KLHL2: variants seen among roughly 807,000 people sequenced by gnomAD.
The protein encoded by KLHL2 is kelch-like protein 2.
In KLHL2, 15 loss-of-function variants were observed where a neutral mutation model predicts 75.8. The ratio of observed to expected loss-of-function variants is 0.20; its 90% CI spans 0.13 to 0.30. The LOEUF (loss-of-function observed/expected upper bound fraction) is 0.30, where lower values mean the gene tolerates loss of function less well. KLHL2 is among the 10% of genes least tolerant of loss of function. KLHL2 has a pLI of 1.00. For synonymous variants in KLHL2, 214 were observed against 251.9 expected (o/e 0.85, Z 1.42); for missense variants, 381 against 741.0 (o/e 0.51, Z 5.64).
At chr4:165,255,743 A>G (rs1452206515) in intron 4 of KLHL2, among the ~76,000 whole-genome samples, 1 of 151,974 alleles carries the variant, frequency 6.6e-6, no homozygotes, top group Non-Finnish European at 1.5e-5. Flanking sequence ...ACCCTTGCCT[A>G]CCTTCTCCCC....
intron 1 of KLHL2, among the ~76,000 whole-genome samples, chr4:165,212,529 T>C (rs1311699951): frequency 6.6e-6 from 1 of 152,224 alleles, no homozygotes; most frequent in Non-Finnish European, 1.5e-5. Flanking sequence ...ACCAGTTCCA[T>C]TCTCTGATTT....
chr4:165,280,872 T>C (rs1350079935), intron 5 of KLHL2, among the ~76,000 whole-genome samples: 2 of 152,210 alleles, frequency 1.3e-5, no homozygotes, highest in African/African-American at 2.4e-5. Flanking sequence ...ATGGTTTTTT[T>C]CTCCTAAAGA....
intron 5 of KLHL2, among the ~76,000 whole-genome samples, chr4:165,279,854 A>T (rs1470046004): frequency 1.3e-5 from 2 of 152,176 alleles, no homozygotes; most frequent in Non-Finnish European, 2.9e-5. Flanking sequence ...TGTCTTTAAC[A>T]CTGAGATTAT....
chr4:165,243,902 A>G (rs1410105511), intron 4 of KLHL2, among the ~76,000 whole-genome samples: 2 of 152,244 alleles, frequency 1.3e-5, no homozygotes, highest in Non-Finnish European at 2.9e-5. Context: ...AACAGAATAC[A>G]TGTGTACCCT....
chr4:165,320,330 T>G (rs1339003150), intron 14 of KLHL2, among the ~76,000 whole-genome samples: 1 of 152,216 alleles, frequency 6.6e-6, no homozygotes, highest in Non-Finnish European at 1.5e-5. Context: ...GCTGCCAGTC[T>G]TTTGACTGTA....
At chr4:165,312,668 A>G (rs760993674) in intron 11 of KLHL2, among the ~76,000 whole-genome samples, 1 of 152,166 alleles carries the variant, frequency 6.6e-6, no homozygotes, top group Non-Finnish European at 1.5e-5. Flanking sequence ...CCCAACCTTC[A>G]GCAACTGCTA....
chr4:165,318,471 A>C (rs1746740763), intron 14 of KLHL2, among the ~76,000 whole-genome samples: 1 of 152,114 alleles, frequency 6.6e-6, no homozygotes, highest in African/African-American at 2.4e-5. Context: ...GTGAGTCTTT[A>C]TGTTATTTAT....
chr4:165,243,120 G>A (rs965579495), intron 4 of KLHL2, among the ~76,000 whole-genome samples: 2 of 152,050 alleles, frequency 1.3e-5, no homozygotes, highest in African/African-American at 4.8e-5. Context: ...TTTTTTTCAC[G>A]ATCCAAAAAT....
intron 5 of KLHL2, among the ~76,000 whole-genome samples, chr4:165,290,246 G>T (rs1457283568): frequency 2.6e-5 from 4 of 151,942 alleles, no homozygotes; most frequent in Non-Finnish European, 5.9e-5. Flanking sequence ...GGGCACAGGT[G>T]ATCTTCCTAC....
chr4:165,213,874 T>G (rs931336390), intron 1 of KLHL2, among the ~76,000 whole-genome samples: 5 of 152,250 alleles, frequency 3.3e-5, no homozygotes, highest in African/African-American at 1.2e-4. Context: ...GATCCTGAAT[T>G]CAACAATTTT....
At chr4:165,267,611 C>T (rs1247781598) in intron 5 of KLHL2, among the ~76,000 whole-genome samples, 6 of 152,124 alleles carry the variant, frequency 3.9e-5, no homozygotes, top group South Asian at 4.1e-4. Flanking sequence ...TGATGGATTA[C>T]GTTTATATAT....
intron 5 of KLHL2, among the ~76,000 whole-genome samples, chr4:165,270,779 A>G (rs1163842738): frequency 2.6e-5 from 4 of 152,160 alleles, no homozygotes; most frequent in African/African-American, 9.6e-5. Flanking sequence ...CACAGAGGTC[A>G]GGGACCCACT....
At chr4:165,264,511 T>C (rs1741984951) in intron 5 of KLHL2, among the ~76,000 whole-genome samples, 2 of 151,128 alleles carry the variant, frequency 1.3e-5, no homozygotes, top group Non-Finnish European at 2.9e-5. Flanking sequence ...CTTAGAATAA[T>C]GGCCTCCGGT....
chr4:165,248,341 C>CT, intron 4 of KLHL2, among the ~76,000 whole-genome samples: 1 of 152,244 alleles, frequency 6.6e-6, no homozygotes, highest in Non-Finnish European at 1.5e-5. Flanking sequence ...TGACAACACT[C>CT]TGGGGTGATT....
Position 165,310,237 on chromosome 4 carries a change from A to G in KLHL2, c.1040-316A>G, listed in dbSNP as rs113083025. On this transcript the variant is annotated intron_variant, in intron 9 of 14. Coordinates refer to ENST00000226725, the MANE Select transcript of KLHL2 (RefSeq NM_007246.4). ...CTACTCAGGAGGCTGAGGCAGGAGA[A>G]TGGTGTGAACACGGGAGGCTGAGCT... 2.7e-3 allele frequency among the ~76,000 whole-genome samples: 411 copies of G among 152,298 alleles called. 4 individuals carry two copies. The highest frequency in any genetic ancestry group is 9.2e-3 in the African/African-American group (383 of 41,568).
Position 165,297,648 on chromosome 4 carries a change from G to C in KLHL2, c.694G>C (p.Asp232His). 6.2e-7 allele frequency: 1 copy of C among 1,613,814 alleles called. No homozygotes were observed. Among genetic ancestry groups the C allele is most frequent in the South Asian group, 1.1e-5 (1 of 91,070 alleles). The change falls in exon 7 of 15, where the codon GAT becomes CAT. Residue 232 changes from aspartate (D) to histidine (H), a missense_variant. Asp to His is a moderately conservative substitution (Grantham distance 81). This residue lies in a region of KLHL2 where 111 missense variants were observed against 150.1 expected (regional missense o/e 0.74). Coordinates refer to ENST00000226725, the MANE Select transcript of KLHL2 (RefSeq NM_007246.4). The part of the protein sequence containing the change: ...AVIAWVNHDK[D>H]VRQEFMARLM... Reference sequence around the variant, plus strand: ...AATAGCATGGGTGAACCATGACAAGGATGTGAGGCAAGAGTTTATGGCCCG... The same window carrying C: ...AATAGCATGGGTGAACCATGACAAGCATGTGAGGCAAGAGTTTATGGCCCG...
chr4:165,215,925 C>A (rs560659970), intron 1 of KLHL2, among the ~76,000 whole-genome samples: 8 of 152,008 alleles, frequency 5.3e-5, no homozygotes, highest in Non-Finnish European at 1.0e-4. Flanking sequence ...CTAAAAAGGG[C>A]TTGTGTGACT....
intron 5 of KLHL2, among the ~76,000 whole-genome samples, chr4:165,273,617 G>GCTCT (rs902388439): frequency 6.6e-6 from 1 of 152,102 alleles, no homozygotes; most frequent in African/African-American, 2.4e-5. Context: ...CCCTGCACAA[G>GCTCT]CTCTCTCTCT....
intron 4 of KLHL2, among the ~76,000 whole-genome samples, chr4:165,250,137 AT>A (rs1380109174): frequency 1.3e-5 from 2 of 151,892 alleles, no homozygotes; most frequent in African/African-American, 4.8e-5. Context: ...AAAAAAAAAA[AT>A]AGTTTGTTCT....
Sources: gnomAD v4.1 joint callset for allele counts (sites outside exome capture counted in the v4.1 genomes callset) on GRCh38, gnomAD v4.1.1 for gene constraint, gnomAD v4.1.1 regional missense constraint, MANE v1.5 for transcripts, NCBI Gene and HGNC (gene_info 2026-07-23, HGNC 2026-07-21) for gene names.